Variants in TMEM200A observed in about 807,000 individuals in gnomAD.
TMEM200A encodes the protein two transmembrane C.
Under a neutral mutation model 24.3 loss-of-function variants are expected in TMEM200A, and 12 were observed. That is an observed-to-expected ratio of 0.49 (90% CI 0.32 to 0.80). TMEM200A has a LOEUF of 0.80. TMEM200A is among the 30% of genes least tolerant of loss of function. TMEM200A has a pLI of 0.04. For synonymous variants in TMEM200A, 224 were observed against 224.4 expected, an observed-to-expected ratio of 1.00 and a Z score of 0.02; for missense variants, 545 against 614.4, an observed-to-expected ratio of 0.89 and a Z score of 1.19.
At chr6:130,386,774 G>T (rs995179441) in intron 2 of TMEM200A, among the ~76,000 whole-genome samples, 2 of 152,052 alleles carry the variant, frequency 1.3e-5, no homozygotes, top group African/African-American at 4.8e-5. Context: ...TAGGAGCTTG[G>T]AGCATTTTCA....
intron 2 of TMEM200A, among the ~76,000 whole-genome samples, chr6:130,433,353 GT>G (rs1779924739): frequency 6.6e-6 from 1 of 152,066 alleles, no homozygotes; most frequent in Admixed American, 6.6e-5. Context: ...GGCCAGGCTG[GT>G]CTTGAACTCC....
Position 130,441,561 on chromosome 6 carries a change from GAC to G in TMEM200A, c.1141_1142del (p.Gln381ValfsTer40). 6.2e-7 allele frequency: 1 copy of G among 1,614,078 alleles called. No individual in the cohort carries two copies. The highest frequency in any genetic ancestry group is 8.5e-7 in the Non-Finnish European group (1 of 1,179,990). ...CTCTTGTCTCCTGGGGCTGCCAGAAGACAGTTTGGGTCCAATACATCCTTGCA... is the reference window on the plus strand; with the variant it reads ...CTCTTGTCTCCTGGGGCTGCCAGAAGAGTTTGGGTCCAATACATCCTTGCA... On this transcript the variant is annotated frameshift_variant, in exon 3 of 3. Coordinates refer to ENST00000296978, the MANE Select transcript of TMEM200A (RefSeq NM_001258277.2). LOFTEE classifies it high-confidence loss of function.
intron 2 of TMEM200A, among the ~76,000 whole-genome samples, chr6:130,387,906 A>T (rs1778746583): frequency 6.6e-6 from 1 of 152,194 alleles, no homozygotes; most frequent in East Asian, 1.9e-4. Context: ...TTTTCAAGGT[A>T]GGAAAGAATA....
intron 1 of TMEM200A, among the ~76,000 whole-genome samples, chr6:130,375,596 G>A (rs1778436389): frequency 6.6e-6 from 1 of 152,186 alleles, no homozygotes; most frequent in Non-Finnish European, 1.5e-5. Context: ...GTCATAGAGA[G>A]TGCATGCGCT....
chr6:130,388,331 T>G (rs1778758322), intron 2 of TMEM200A, among the ~76,000 whole-genome samples: 1 of 152,142 alleles, frequency 6.6e-6, no homozygotes. Flanking sequence ...AAAAAGAAAA[T>G]AAACTACAAC....
chr6:130,402,455 A>G (rs774199855), intron 2 of TMEM200A, among the ~76,000 whole-genome samples: 2 of 152,058 alleles, frequency 1.3e-5, no homozygotes, highest in Non-Finnish European at 2.9e-5. Flanking sequence ...GGAACCTTTT[A>G]TTATGCTTAT....
intron 1 of TMEM200A, among the ~76,000 whole-genome samples, chr6:130,378,004 G>A (rs1165873637): frequency 6.6e-6 from 1 of 152,102 alleles, no homozygotes; most frequent in Non-Finnish European, 1.5e-5. Context: ...TGTGCCGCAG[G>A]AGGAATAGAA....
intron 2 of TMEM200A, among the ~76,000 whole-genome samples, chr6:130,435,849 G>A (rs1195729645): frequency 6.6e-6 from 1 of 152,198 alleles, no homozygotes; most frequent in Non-Finnish European, 1.5e-5. Flanking sequence ...GGATGTGGAG[G>A]TAGAAAAGTG....
chr6:130,426,469 C>CG (rs201731226), intron 2 of TMEM200A, among the ~76,000 whole-genome samples: 1 of 150,742 alleles, frequency 6.6e-6, no homozygotes, highest in Admixed American at 6.6e-5. Context: ...AGCCCCCCCC[C>CG]CCTCAGTTTC....
rs1404211756 is a variant in TMEM200A, at chr6:130,440,414, G to A, written c.-9G>A. The A allele has an allele frequency of 3.3e-6, 5 of 1,533,696 alleles. No individual in the cohort carries two copies. Among genetic ancestry groups the A allele is most frequent in the Non-Finnish European group, 4.4e-6 (5 of 1,143,244 alleles). On this transcript the variant is annotated 5_prime_UTR_variant, in exon 3 of 3. Coordinates refer to ENST00000296978, the MANE Select transcript of TMEM200A (RefSeq NM_001258277.2). ...TTTTTTTTTCTTCTTCAGAGTAAAA[G>A]GCCAAGCTATGATAGCAACTGGTGG... is the stretch of plus-strand genomic sequence containing the variant.
intron 2 of TMEM200A, among the ~76,000 whole-genome samples, chr6:130,388,144 A>T (rs981738471): frequency 6.6e-6 from 1 of 152,214 alleles, no homozygotes; most frequent in Non-Finnish European, 1.5e-5. Context: ...CGGTTTTAGA[A>T]ATTAACCAAA....
chr6:130,365,963 GC>G (rs1778129191), upstream of TMEM200A: 12 of 970,198 alleles, frequency 1.2e-5, no homozygotes, highest in South Asian at 9.5e-5. Flanking sequence ...CCCGGCCCCC[GC>G]CCCCAACCCG....
chr6:130,403,176 T>C (rs1279734990), intron 2 of TMEM200A, among the ~76,000 whole-genome samples: 1 of 152,140 alleles, frequency 6.6e-6, no homozygotes, highest in African/African-American at 2.4e-5. Flanking sequence ...ACACCTGTCA[T>C]TTGACTACAT....
intron 1 of TMEM200A, among the ~76,000 whole-genome samples, chr6:130,372,631 A>G (rs1460885443): frequency 6.6e-6 from 1 of 152,198 alleles, no homozygotes; most frequent in Non-Finnish European, 1.5e-5. Flanking sequence ...TCTAGTTACA[A>G]AGGTGTGTAC....
At position 130,394,341 on chromosome 6, in the gene TMEM200A, G is replaced by A. The variant is rs148710379; in HGVS notation, c.-17+9105G>A. 3.4e-3 allele frequency among the ~76,000 whole-genome samples: 517 copies of A among 152,250 alleles called. 2 individuals are homozygous for A. The highest frequency in any genetic ancestry group is 0.012 in the African/African-American group (495 of 41,542). On this transcript the variant is annotated intron_variant, in intron 2 of 2. Coordinates refer to ENST00000296978, the MANE Select transcript of TMEM200A (RefSeq NM_001258277.2). ...AACTGTCATATTGAAATTCCCTTTCGCACCCACAGAAGGGAATACTTACCT... is the reference window on the plus strand; with the variant it reads ...AACTGTCATATTGAAATTCCCTTTCACACCCACAGAAGGGAATACTTACCT...
rs369277850 is a variant in TMEM200A at position 130,399,673 on chromosome 6, TTTA to T, written c.-17+14452_-17+14454del. ...TATTCCCTATTTATATTCAAATTTA[TTTA>T]TTATTATTATTATTTATTTTTCCAT... On this transcript the variant is annotated intron_variant, in intron 2 of 2. Transcript: ENST00000296978. 2.4e-3 allele frequency among the ~76,000 whole-genome samples: 359 copies of T among 151,448 alleles called. 2 individuals carry two copies. Among genetic ancestry groups the T allele is most frequent in the African/African-American group, 8.3e-3 (345 of 41,412 alleles).
intron 2 of TMEM200A, among the ~76,000 whole-genome samples, chr6:130,435,157 T>C (rs1779971570): frequency 1.3e-5 from 2 of 152,142 alleles, no homozygotes; most frequent in Non-Finnish European, 2.9e-5. Context: ...TCTTTTTTTT[T>C]CTTCAAATTA....
At position 130,441,392 on chromosome 6, in the gene TMEM200A, A is replaced by G. The variant is rs759613291; in HGVS notation, c.970A>G (p.Met324Val). 1.5e-5 allele frequency: 24 copies of G among 1,614,042 alleles called. 1 individual carries two copies. In the Admixed American group the frequency reaches 3.7e-4, roughly 25 times the overall value. ...NLKSRSRNLS[M>V]DSLVVPLPNT... is the part of the protein sequence containing the mutation. The stretch of plus-strand genomic sequence containing the variant: ...CAAAAGTAGGTCAAGGAATTTGTCA[A>G]TGGATTCCCTTGTGGTTCCTTTGCC... The change falls in exon 3 of 3, where the codon ATG becomes GTG. Residue 324 changes from methionine to valine, a missense_variant. Transcript: ENST00000296978.
intron 2 of TMEM200A, among the ~76,000 whole-genome samples, chr6:130,436,893 A>G (rs1425966078): frequency 6.6e-6 from 1 of 151,850 alleles, no homozygotes; most frequent in South Asian, 2.1e-4. Context: ...CACAAGTGAC[A>G]CTAAAGCCTT....
Sources: allele counts gnomAD v4.1 joint callset (sites outside exome capture counted in the v4.1 genomes callset), GRCh38; gene constraint gnomAD v4.1.1; transcripts MANE v1.5; gene names NCBI Gene and HGNC (gene_info 2026-07-23, HGNC 2026-07-21).